Variants in RBFOX2 observed in about 807,000 individuals in gnomAD.
The protein encoded by RBFOX2 is RNA binding fox-1 homolog 2, also known as RNA binding protein fox-1 homolog 2.
RBFOX2 carries 10 observed loss-of-function variants against 49.1 expected under a neutral mutation model. The ratio of observed to expected loss-of-function variants is 0.20; its 90% CI spans 0.13 to 0.35. The LOEUF (loss-of-function observed/expected upper bound fraction) is 0.35, where lower values mean the gene tolerates loss of function less well. Among genes scored for constraint, RBFOX2 ranks in the 10% least tolerant of loss-of-function variants. RBFOX2 has a pLI of 1.00. For synonymous variants in RBFOX2, 183 were observed against 187.4 expected (o/e 0.98, Z 0.19); for missense variants, 323 against 486.9 (o/e 0.66, Z 3.17).
chr22:35,988,641 G>A (rs2057829593), intron 1 of RBFOX2, among the ~76,000 whole-genome samples: 1 of 152,146 alleles, frequency 6.6e-6, no homozygotes, highest in Non-Finnish European at 1.5e-5. Context: ...GTATATGCAT[G>A]AGCGGGTCAA....
upstream of RBFOX2, among the ~76,000 whole-genome samples, chr22:35,943,034 T>C (rs1179004074): frequency 6.6e-6 from 1 of 152,262 alleles, no homozygotes; most frequent in African/African-American, 2.4e-5. Context: ...TTAAGTGATT[T>C]GCTCATAATC....
intron 1 of RBFOX2, among the ~76,000 whole-genome samples, chr22:35,973,385 G>A (rs1401759253): frequency 6.6e-6 from 1 of 152,154 alleles, no homozygotes; most frequent in African/African-American, 2.4e-5. Context: ...ATAGAGGGGG[G>A]ACAGACCAAC....
intron 1 of RBFOX2, among the ~76,000 whole-genome samples, chr22:35,829,510 G>A (rs1317588174): frequency 1.3e-5 from 2 of 151,638 alleles, no homozygotes; most frequent in Non-Finnish European, 2.9e-5. Context: ...ACTAGATGTT[G>A]CAGGGAAAAA....
upstream of RBFOX2, among the ~76,000 whole-genome samples, chr22:35,943,188 T>G (rs769741884): frequency 4.6e-5 from 7 of 152,238 alleles, no homozygotes; most frequent in East Asian, 1.9e-4. Flanking sequence ...GCCAGTCGAA[T>G]AGTGGGAAAG....
intron 1 of RBFOX2, among the ~76,000 whole-genome samples, chr22:36,020,935 A>G (rs1052508421): frequency 1.3e-5 from 2 of 152,190 alleles, no homozygotes; most frequent in Admixed American, 6.5e-5. Context: ...TGCTATAAAG[A>G]CACATGCACA....
intron 1 of RBFOX2, among the ~76,000 whole-genome samples, chr22:35,859,605 G>A (rs1367107365): frequency 6.6e-6 from 1 of 152,220 alleles, no homozygotes; most frequent in Non-Finnish European, 1.5e-5. Flanking sequence ...ACCATGGAAT[G>A]GCTGATATGC....
chr22:35,813,751 A>AC (rs1188033075), intron 1 of RBFOX2, among the ~76,000 whole-genome samples: 1 of 152,238 alleles, frequency 6.6e-6, no homozygotes, highest in Non-Finnish European at 1.5e-5. Context: ...ATGAAGTGTT[A>AC]AACATTTATG....
intron 1 of RBFOX2, among the ~76,000 whole-genome samples, chr22:35,927,752 A>G (rs1569494512): frequency 1.3e-5 from 2 of 152,180 alleles, no homozygotes; most frequent in South Asian, 4.1e-4. Flanking sequence ...TAAAGTCCCA[A>G]AAATGACTCC....
chr22:35,998,976 C>T (rs1296835207), intron 1 of RBFOX2: 1 of 152,524 alleles, frequency 6.6e-6, no homozygotes, highest in Non-Finnish European at 1.5e-5. Flanking sequence ...CAGCCACTGC[C>T]ATGATAATCA....
chr22:35,862,794 G>A (rs372457905), intron 1 of RBFOX2, among the ~76,000 whole-genome samples: 4 of 152,068 alleles, frequency 2.6e-5, no homozygotes, highest in Non-Finnish European at 4.4e-5. Flanking sequence ...CAAGTTCTTC[G>A]TCTGGAAAAA....
chr22:35,777,310 C>T lies in RBFOX2; in HGVS notation c.453+715G>A, dbSNP rs530034052. 9.2e-5 allele frequency among the ~76,000 whole-genome samples: 14 copies of T among 152,154 alleles called. No homozygotes were observed. The South Asian group carries it at 2.7e-3, about 29-fold the overall frequency. On this transcript the variant is annotated intron_variant, in intron 4 of 11. Transcript: ENST00000405409. ...TACAGGCGTGAGCCACTGCGCCCAG[C>T]CTAATAGGGGAAATAAATTTTAATT...
intron 1 of RBFOX2, among the ~76,000 whole-genome samples, chr22:36,021,909 G>C (rs2059260768): frequency 6.6e-6 from 1 of 152,142 alleles, no homozygotes; most frequent in South Asian, 2.1e-4. Flanking sequence ...TGGGGTTGTA[G>C]AGGAGAATAA....
chr22:36,002,900 A>G (rs2058484686), intron 1 of RBFOX2, among the ~76,000 whole-genome samples: 1 of 152,260 alleles, frequency 6.6e-6, no homozygotes, highest in African/African-American at 2.4e-5. Context: ...TGCTGGGATT[A>G]TAGGCATGAG....
intron 1 of RBFOX2, among the ~76,000 whole-genome samples, chr22:35,923,742 G>C (rs1032339492): frequency 6.6e-6 from 1 of 151,716 alleles, no homozygotes; most frequent in African/African-American, 2.4e-5. Flanking sequence ...AGACTCACTG[G>C]GGTCTTACCA....
At chr22:35,765,663 C>T (rs1940717520) in intron 5 of RBFOX2, among the ~76,000 whole-genome samples, 180 bp from the exon 7 acceptor site, 1 of 152,014 alleles carries the variant, frequency 6.6e-6, no homozygotes, top group African/African-American at 2.4e-5. Context: ...AAGTTCTTAT[C>T]AAATGAGGAT....
chr22:35,910,434 T>C (rs1255674202), intron 1 of RBFOX2, among the ~76,000 whole-genome samples: 1 of 152,162 alleles, frequency 6.6e-6, no homozygotes, highest in Non-Finnish European at 1.5e-5. Flanking sequence ...GTGTCAGAGA[T>C]AGGTAGCTGA....
chr22:35,951,101 G>A lies in RBFOX2; in HGVS notation c.42+10462C>T, dbSNP rs570302906. On this transcript the variant is annotated intron_variant, in intron 1 of 5. Coordinates refer to the RBFOX2 transcript ENST00000408983. Reference sequence around the variant, plus strand: ...CCCAGGTAGCTGGGATTACAGGCGCGTGCCACCACGCCCAGCTAAATTTTT... The same window carrying A: ...CCCAGGTAGCTGGGATTACAGGCGCATGCCACCACGCCCAGCTAAATTTTT... Among the ~76,000 whole-genome samples, 61 of 151,434 alleles carry A rather than the reference G, an allele frequency of 4.0e-4. No individual in the cohort carries two copies. In the South Asian group the frequency reaches 8.2e-3, roughly 20 times the overall value.
Position 35,986,276 on chromosome 22 carries a change from C to T in RBFOX2, c.186+41964G>A, listed in dbSNP as rs182818111. On this transcript the variant is annotated intron_variant, in intron 1 of 13. Coordinates refer to the RBFOX2 transcript ENST00000438146. ...CTGGCAAGATGCCCCAAAGACACAGCAGGAATTTGATATGAACAGCAGGAT... is the reference window on the plus strand; with the variant it reads ...CTGGCAAGATGCCCCAAAGACACAGTAGGAATTTGATATGAACAGCAGGAT... 4.5e-3 allele frequency among the ~76,000 whole-genome samples: 679 copies of T among 152,192 alleles called. 4 individuals carry two copies. The highest frequency in any genetic ancestry group is 8.1e-3 in the Non-Finnish European group (552 of 68,008).
upstream of RBFOX2, among the ~76,000 whole-genome samples, chr22:35,943,642 T>C (rs1055266409): frequency 5.3e-5 from 8 of 152,150 alleles, no homozygotes; most frequent in Admixed American, 5.2e-4. Context: ...CTCACGCCTG[T>C]AATCCCAGCA....
Sources: allele counts gnomAD v4.1 joint callset (sites outside exome capture counted in the v4.1 genomes callset), GRCh38; gene constraint gnomAD v4.1.1; transcripts MANE v1.5; gene names NCBI Gene and HGNC (gene_info 2026-07-23, HGNC 2026-07-21).